SLC24A2: variants seen among roughly 807,000 people sequenced by gnomAD.
SLC24A2 encodes sodium/potassium/calcium exchanger 2.
Under a neutral mutation model 62.0 loss-of-function variants are expected in SLC24A2, and 36 were observed. The observed-to-expected ratio is 0.58, with a 90% CI of 0.44 to 0.77. The LOEUF is 0.77. Among genes scored for constraint, SLC24A2 ranks in the 30% least tolerant of loss-of-function variants. SLC24A2 has a pLI of 0.00. For missense variants in SLC24A2, 846 were observed against 817.9 expected, an observed-to-expected ratio of 1.03 and a Z score of -0.42; for synonymous variants, 358 against 294.0, an observed-to-expected ratio of 1.22 and a Z score of -2.23.
the SLC24A2 span, among the ~76,000 whole-genome samples, chr9:19,905,937 C>T: frequency 4.0e-5 from 6 of 151,368 alleles, no homozygotes; most frequent in East Asian, 1.9e-4. Flanking sequence ...AAGTTAACAA[C>T]GATATCCAGG....
chr9:19,633,270 T>A (rs1263137897), intron 2 of SLC24A2, among the ~76,000 whole-genome samples: 1 of 152,242 alleles, frequency 6.6e-6, no homozygotes, highest in Admixed American at 6.5e-5. Context: ...CATTCATGTA[T>A]GAGTTTCTGT....
the SLC24A2 span, among the ~76,000 whole-genome samples, chr9:19,851,008 C>CGTAT: frequency 3.2e-5 from 1 of 31,516 alleles, no homozygotes; most frequent in Non-Finnish European, 6.8e-5. Context: ...TATACACATA[C>CGTAT]ATATATATAT....
the SLC24A2 span, among the ~76,000 whole-genome samples, chr9:19,974,989 G>A: frequency 6.6e-6 from 1 of 152,138 alleles, no homozygotes; most frequent in Non-Finnish European, 1.5e-5. Context: ...TTATCAGGTA[G>A]GAAAATCTTT....
At chr9:19,966,618 A>C in the SLC24A2 span, among the ~76,000 whole-genome samples, 5 of 152,326 alleles carry the variant, frequency 3.3e-5, no homozygotes, top group Non-Finnish European at 7.3e-5. Context: ...ATTCTCACTA[A>C]TAAAAATGTC....
intron 8 of SLC24A2, 96 bp from the exon 9 acceptor site, chr9:19,528,234 T>G: frequency 1.1e-5 from 9 of 809,432 alleles, no homozygotes; most frequent in Non-Finnish European, 1.9e-5. Context: ...GCAATTTCTC[T>G]AGCATTTCCT....
the SLC24A2 span, among the ~76,000 whole-genome samples, chr9:19,964,366 AAATAAT>A: frequency 4.0e-5 from 6 of 151,296 alleles, no homozygotes; most frequent in South Asian, 2.1e-4. Context: ...ACTTAAAGTA[AAATAAT>A]AATAATAATA....
the SLC24A2 span, among the ~76,000 whole-genome samples, chr9:20,024,298 G>C: frequency 2.6e-5 from 4 of 152,174 alleles, no homozygotes; most frequent in Non-Finnish European, 5.9e-5. Flanking sequence ...TGATTTGCAA[G>C]AGACCTCACA....
the SLC24A2 span, among the ~76,000 whole-genome samples, chr9:20,081,725 G>A: frequency 2.0e-5 from 3 of 152,122 alleles, no homozygotes; most frequent in Non-Finnish European, 4.4e-5. Flanking sequence ...ACTGTCACAG[G>A]GTTTGAGAGG....
intron 2 of SLC24A2, among the ~76,000 whole-genome samples, chr9:19,636,315 T>TTTTCTTTCCTTTC (rs1818329839): frequency 5.0e-5 from 2 of 40,328 alleles, no homozygotes; most frequent in African/African-American, 2.3e-4. Context: ...TTTTCTTTTC[T>TTTTCTTTCCTTTC]TTTCTTTCTT....
intron 5 of SLC24A2, among the ~76,000 whole-genome samples, chr9:19,587,768 G>A (rs990099131): frequency 3.3e-5 from 5 of 152,044 alleles, no homozygotes; most frequent in African/African-American, 1.2e-4. Flanking sequence ...AGAGATGTCA[G>A]TAACACACAA....
At chr9:20,105,686 C>T in the SLC24A2 span, among the ~76,000 whole-genome samples, 90 of 151,820 alleles carry the variant, frequency 5.9e-4, no homozygotes, top group Middle Eastern at 3.4e-3. Flanking sequence ...ATCTCCGGGA[C>T]GCATTCAAAG....
chr9:20,107,571 C>T, the SLC24A2 span, among the ~76,000 whole-genome samples: 2 of 152,040 alleles, frequency 1.3e-5, no homozygotes, highest in Non-Finnish European at 2.9e-5. Flanking sequence ...CTTTGACAAA[C>T]CTGAGAAAAA....
At chr9:19,670,096 C>T (rs13300397) in intron 2 of SLC24A2, among the ~76,000 whole-genome samples, 27,895 of 152,050 alleles carry the variant, frequency 0.18, 2,880 homozygotes, top group Non-Finnish European at 0.24. Flanking sequence ...AATATCATTC[C>T]GTCTCACAAG....
the SLC24A2 span, among the ~76,000 whole-genome samples, chr9:19,885,047 C>G: frequency 9.9e-5 from 15 of 152,284 alleles, no homozygotes; most frequent in African/African-American, 3.6e-4. Flanking sequence ...TGCTGTCTCT[C>G]AATTCTCATT....
the SLC24A2 span, among the ~76,000 whole-genome samples, chr9:20,023,381 G>C: frequency 6.6e-5 from 10 of 152,212 alleles, no homozygotes; most frequent in African/African-American, 2.4e-4. Flanking sequence ...GCAGTGAGCA[G>C]GAGGTAATAG....
chr9:19,533,351 T>G (rs1005442520), intron 8 of SLC24A2, among the ~76,000 whole-genome samples: 1 of 152,212 alleles, frequency 6.6e-6, no homozygotes, highest in African/African-American at 2.4e-5. Flanking sequence ...TGGAAGCACA[T>G]AAGTTCTATG....
intron 8 of SLC24A2, among the ~76,000 whole-genome samples, chr9:19,544,204 T>A (rs1834428398): frequency 6.6e-6 from 1 of 151,814 alleles, no homozygotes; most frequent in Non-Finnish European, 1.5e-5. Flanking sequence ...TCTCTTTTGA[T>A]CTTTGTTGGT....
chr9:19,728,241 A>G (rs1226853978), intron 2 of SLC24A2, among the ~76,000 whole-genome samples: 2 of 152,078 alleles, frequency 1.3e-5, no homozygotes, highest in African/African-American at 4.8e-5. Flanking sequence ...GGTTTTCAGA[A>G]AGGCAGATGG....
the SLC24A2 span, among the ~76,000 whole-genome samples, chr9:19,899,428 T>C: frequency 2.6e-5 from 4 of 152,198 alleles, no homozygotes; most frequent in Non-Finnish European, 4.4e-5. Context: ...TGAATGCAGA[T>C]TGAGGTGCTG....
Sources: allele counts gnomAD v4.1 joint callset (sites outside exome capture counted in the v4.1 genomes callset), GRCh38; gene constraint gnomAD v4.1.1; transcripts MANE v1.5; gene names NCBI Gene and HGNC (gene_info 2026-07-23, HGNC 2026-07-21).